KCNU1: variants seen among roughly 807,000 people sequenced by gnomAD.
KCNU1 encodes the protein potassium channel subfamily U member 1.
A neutral mutation model predicts 126.8 loss-of-function variants in KCNU1; 93 were observed. The observed-to-expected ratio is 0.73, with a 90% CI of 0.62 to 0.87. The LOEUF (loss-of-function observed/expected upper bound fraction) is 0.87. Ranked by LOEUF, KCNU1 falls within the 40% of genes least tolerant of loss-of-function variation. The pLI is 0.00. For missense variants in KCNU1, 1,330 were observed against 1,367.1 expected (o/e 0.97, Z 0.43); for synonymous variants, 523 against 494.2 (o/e 1.06, Z -0.77).
At chr8:36,929,173 G>C in intron 24 of KCNU1, 1 of 531,034 alleles carries the variant, frequency 1.9e-6, no homozygotes, top group South Asian at 2.4e-5. Flanking sequence ...CTTGAGGTCA[G>C]GAGTTTGAGA....
chr8:36,840,846 C>T (rs1804923647), intron 15 of KCNU1, 86 bp from the exon 16 acceptor site: 1 of 960,814 alleles, frequency 1.0e-6, no homozygotes, highest in Admixed American at 1.8e-5. Context: ...TGTTGGTTTC[C>T]TCCTAGGCAC....
chr8:36,914,191 G>A (rs903377723), intron 22 of KCNU1, among the ~76,000 whole-genome samples: 11 of 152,098 alleles, frequency 7.2e-5, no homozygotes, highest in African/African-American at 9.7e-5. Context: ...AGAAAGCATC[G>A]TCCACAATCA....
intron 18 of KCNU1, among the ~76,000 whole-genome samples, chr8:36,847,658 T>A (rs1805199593): frequency 6.6e-6 from 1 of 152,358 alleles, no homozygotes; most frequent in Non-Finnish European, 1.5e-5. Context: ...TCATCCTTTT[T>A]AATGACTGCA....
intron 24 of KCNU1, among the ~76,000 whole-genome samples, chr8:36,924,371 C>T (rs1808465979): frequency 6.6e-6 from 1 of 152,158 alleles, no homozygotes; most frequent in African/African-American, 2.4e-5. Flanking sequence ...CTTCAAGGCA[C>T]AGTTTGCAAG....
intron 19 of KCNU1, among the ~76,000 whole-genome samples, chr8:36,881,298 C>CA (rs1806469371): frequency 6.6e-6 from 1 of 152,164 alleles, no homozygotes; most frequent in Admixed American, 6.5e-5. Context: ...GGCTGGAGTG[C>CA]AGTGGCACCA....
intron 2 of KCNU1, among the ~76,000 whole-genome samples, chr8:36,796,384 A>G (rs183793275): frequency 1.3e-5 from 2 of 152,342 alleles, no homozygotes; most frequent in East Asian, 3.9e-4. Context: ...TATAAGCAAT[A>G]CTAATTATGT....
At chr8:36,829,618 T>C (rs1052330314) in intron 10 of KCNU1, among the ~76,000 whole-genome samples, 4 of 151,132 alleles carry the variant, frequency 2.6e-5, no homozygotes, top group African/African-American at 9.7e-5. Context: ...TTATATTTTA[T>C]ATAAATTTTA....
chr8:36,787,515 C>A, intron 2 of KCNU1, 90 bp downstream of exon 2: 1 of 1,306,104 alleles, frequency 7.7e-7, no homozygotes, highest in East Asian at 2.7e-5. Context: ...CCTAGGTAAA[C>A]AACTGACGTT....
At chr8:36,849,310 T>C (rs1805261657) in intron 18 of KCNU1, among the ~76,000 whole-genome samples, 1 of 152,188 alleles carries the variant, frequency 6.6e-6, no homozygotes, top group African/African-American at 2.4e-5. Flanking sequence ...TCATTTCAGC[T>C]AGGCACAGTG....
intron 19 of KCNU1, among the ~76,000 whole-genome samples, chr8:36,873,032 T>A (rs1428572816): frequency 6.6e-6 from 1 of 152,030 alleles, no homozygotes; most frequent in Admixed American, 6.6e-5. Context: ...TGAGCCAAGA[T>A]TGCACCATTG....
intron 2 of KCNU1, among the ~76,000 whole-genome samples, chr8:36,790,359 A>T (rs1276000286): frequency 6.6e-6 from 1 of 152,148 alleles, no homozygotes; most frequent in Admixed American, 6.5e-5. Context: ...AAGTTAGAGA[A>T]TAAAAACATT....
chr8:36,909,385 C>T lies in KCNU1; in HGVS notation c.2181C>T (p.Ala727=). 6.2e-7 allele frequency: 1 copy of T among 1,613,402 alleles called. No homozygotes were observed. Among genetic ancestry groups the T allele is most frequent in the Non-Finnish European group, 8.5e-7 (1 of 1,179,400 alleles). Reference sequence around the variant, plus strand: ...GTGTATTTGGAGATGCCCACTCAGCCCCGATGGGGCTTCGGAACTTTGTAA... The same window carrying T: ...GTGTATTTGGAGATGCCCACTCAGCTCCGATGGGGCTTCGGAACTTTGTAA... ...VACVFGDAHS[A]PMGLRNFVMP... The change falls in exon 21 of 27, where the codon GCC becomes GCT. Residue 727 remains alanine, a synonymous_variant. Coordinates refer to ENST00000399881, the MANE Select transcript of KCNU1 (RefSeq NM_001031836.3).
intron 18 of KCNU1, among the ~76,000 whole-genome samples, chr8:36,862,412 T>C (rs927993894): frequency 1.4e-4 from 21 of 152,090 alleles, no homozygotes; most frequent in Non-Finnish European, 2.6e-4. Flanking sequence ...ATAAACAATT[T>C]TCAATTTCCT....
intron 19 of KCNU1, among the ~76,000 whole-genome samples, chr8:36,898,060 G>A (rs1369064019): frequency 6.6e-6 from 1 of 151,880 alleles, no homozygotes; most frequent in South Asian, 2.1e-4. Context: ...TAAAGTTTGT[G>A]GTCCTCAATG....
chr8:36,916,414 A>G (rs549197309), intron 22 of KCNU1, among the ~76,000 whole-genome samples: 3 of 151,628 alleles, frequency 2.0e-5, no homozygotes, highest in Non-Finnish European at 4.4e-5. Flanking sequence ...AAGGAAGGAA[A>G]GAGGAAAGGA....
chr8:36,784,943 T>C (rs578250961), intron 1 of KCNU1, among the ~76,000 whole-genome samples: 1 of 152,342 alleles, frequency 6.6e-6, no homozygotes, highest in South Asian at 2.1e-4. Flanking sequence ...ACAAGACAAT[T>C]GTGCTAGGTC....
rs1466762580 is a variant in KCNU1, at chr8:36,840,639, G to A, written c.1631+64G>A. 25 of 937,346 alleles carry A rather than the reference G, an allele frequency of 2.7e-5. No individual in the cohort carries two copies. The Admixed American group carries it at 4.9e-4, about 18-fold the overall frequency. 58.1% of individuals were successfully genotyped at this position (937,346 alleles called of 1,614,324 possible). On this transcript the variant is annotated intron_variant, in intron 15 of 26. Coordinates refer to ENST00000399881, the MANE Select transcript of KCNU1 (RefSeq NM_001031836.3). ...CAGCATTCTTTCAACAACGTTCACT[G>A]AGGGCCCACTATAGGCCAGGCTTCA...
chr8:36,818,592 G>C (rs1418775750), intron 10 of KCNU1, among the ~76,000 whole-genome samples: 1 of 152,162 alleles, frequency 6.6e-6, no homozygotes, highest in Non-Finnish European at 1.5e-5. Context: ...GCTTTTGCCT[G>C]ATGTGTAGAG....
intron 10 of KCNU1, among the ~76,000 whole-genome samples, chr8:36,831,815 T>C (rs1337345263): frequency 4.0e-5 from 6 of 151,130 alleles, no homozygotes; most frequent in Admixed American, 4.0e-4. Flanking sequence ...TTTGGTGTTT[T>C]AGACATGAAG....
Sources: allele counts gnomAD v4.1 joint callset (sites outside exome capture counted in the v4.1 genomes callset), GRCh38; gene constraint gnomAD v4.1.1; transcripts MANE v1.5; gene names NCBI Gene and HGNC (gene_info 2026-07-23, HGNC 2026-07-21).